Variants in DNAH17 observed in about 807,000 individuals in gnomAD.
DNAH17 encodes dynein axonemal heavy chain 17.
DNAH17 carries 376 observed loss-of-function variants against 485.6 expected under a neutral mutation model. The observed-to-expected ratio is 0.77, with a 90% CI of 0.71 to 0.84. DNAH17 has a LOEUF of 0.84. Among genes scored for constraint, DNAH17 ranks in the 40% least tolerant of loss-of-function variants. DNAH17 has a pLI of 0.00. For synonymous variants in DNAH17, 3,031 were observed against 2,405.9 expected (o/e 1.26, Z -7.60); for missense variants, 6,370 against 5,839.3 (o/e 1.09, Z -2.96).
At chr17:78,570,221 G>A (rs2092331466) in intron 7 of DNAH17, 26 bp downstream of exon 7, 3 of 1,562,180 alleles carry the variant, frequency 1.9e-6, no homozygotes, top group East Asian at 2.3e-5. Context: ...GGGAGGAAGG[G>A]GACCCAGGGG....
intron 19 of DNAH17, among the ~76,000 whole-genome samples, chr17:78,535,803 C>A (rs1055965009): frequency 6.6e-6 from 1 of 152,184 alleles, no homozygotes; most frequent in Non-Finnish European, 1.5e-5. Context: ...AATAACCTGT[C>A]ACAACACCTT....
chr17:78,496,057 G>A (rs756146742), intron 37 of DNAH17, 25 bp from the exon 38 acceptor site: 2 of 1,601,960 alleles, frequency 1.2e-6, no homozygotes, highest in Non-Finnish European at 8.5e-7. Flanking sequence ...ACACAGACAT[G>A]TTAGCATGGA....
At chr17:78,540,651 G>A (rs1386766689) in intron 17 of DNAH17, among the ~76,000 whole-genome samples, 1 of 111,398 alleles carries the variant, frequency 9.0e-6, no homozygotes, top group Admixed American at 1.0e-4. Context: ...ATGGATGAAC[G>A]GGGTGGGTAG....
chr17:78,479,357 G>T, intron 50 of DNAH17, 128 bp downstream of exon 50: 1 of 1,256,150 alleles, frequency 8.0e-7, no homozygotes. Context: ...TCGAAACATA[G>T]CATCGTTTTT....
intron 1 of DNAH17, 148 bp from the exon 2 acceptor site, chr17:78,575,230 T>A: frequency 1.5e-6 from 1 of 674,252 alleles, no homozygotes; most frequent in Non-Finnish European, 2.4e-6. Flanking sequence ...TGTGGTTGGG[T>A]TGGGGTGGGG....
chr17:78,467,854 C>G (rs967157768), intron 55 of DNAH17, among the ~76,000 whole-genome samples: 1 of 152,034 alleles, frequency 6.6e-6, no homozygotes, highest in Non-Finnish European at 1.5e-5. Flanking sequence ...GCTGTCTCTA[C>G]TAAAAATAAA....
Position 78,572,829 on chromosome 17 carries a change from G to A in DNAH17, c.411C>T (p.Asp137=). ...TCAGCCTGTGGACCTGCTTCACGAT[G>A]TCTTCCGAGACCACCTGGGGCCATC... ...MAGWPQVVSE[D]IVKQVHRLKN... The change falls in exon 3 of 81, where the codon GAC becomes GAT. Residue 137 remains aspartate, a synonymous_variant. Transcript: ENST00000389840. 1 of 1,613,978 alleles carries A rather than the reference G, an allele frequency of 6.2e-7. No individual in the cohort carries two copies. Among genetic ancestry groups the A allele is most frequent in the Non-Finnish European group, 8.5e-7 (1 of 1,179,882 alleles).
At chr17:78,430,724 G>T (rs1365081629) in intron 75 of DNAH17, among the ~76,000 whole-genome samples, 1 of 151,856 alleles carries the variant, frequency 6.6e-6, no homozygotes, top group African/African-American at 2.4e-5. Flanking sequence ...GGGATTACAG[G>T]TGCACACCAC....
Position 78,499,058 on chromosome 17 carries a change from C to T in DNAH17, c.5695G>A (p.Asp1899Asn), listed in dbSNP as rs1446644733. ...TCCACTGAGATGCGATTAAACTCGTCAAAGCAGCCCCAGGCTCCCGTCTGG... is the reference window on the plus strand; with the variant it reads ...TCCACTGAGATGCGATTAAACTCGTTAAAGCAGCCCCAGGCTCCCGTCTGG... ...LAQTGAWGCF[D>N]EFNRISVEVL... The change falls in exon 37 of 81, where the codon GAC becomes AAC. Residue 1899 changes from aspartate (D) to asparagine (N), a missense_variant. Transcript: ENST00000389840. 2 of 1,610,148 alleles carry T rather than the reference C, an allele frequency of 1.2e-6. No homozygotes were observed. The highest frequency in any genetic ancestry group is 2.2e-5 in the East Asian group (1 of 44,450).
intron 40 of DNAH17, 135 bp downstream of exon 40, chr17:78,494,458 G>A (rs940445188): frequency 1.9e-6 from 2 of 1,080,442 alleles, no homozygotes; most frequent in Non-Finnish European, 2.7e-6. Flanking sequence ...GGAGGCAGCT[G>A]TGGCTCAGAG....
At chr17:78,435,053 G>C (rs8080338) in intron 74 of DNAH17, among the ~76,000 whole-genome samples, 97,780 of 152,132 alleles carry the variant, frequency 0.64, 33,445 homozygotes, top group East Asian at 0.87. Flanking sequence ...GACAAGAAGG[G>C]GAGCAGCTGG....
At chr17:78,529,017 C>T (rs1262390637) in intron 22 of DNAH17, among the ~76,000 whole-genome samples, 1 of 151,458 alleles carries the variant, frequency 6.6e-6, no homozygotes, top group African/African-American at 2.4e-5. Context: ...GATCTCAGCT[C>T]ACTGCAACAT....
At chr17:78,557,849 C>T (rs2092061091) in intron 14 of DNAH17, among the ~76,000 whole-genome samples, 1 of 151,874 alleles carries the variant, frequency 6.6e-6, no homozygotes, top group Non-Finnish European at 1.5e-5. Flanking sequence ...TGGGTGACAA[C>T]AAATGCTGGT....
At chr17:78,473,240 G>A (rs1022987305) in intron 54 of DNAH17, among the ~76,000 whole-genome samples, 44 of 152,236 alleles carry the variant, frequency 2.9e-4, no homozygotes, top group African/African-American at 1.0e-3. Context: ...ATCCACAGAA[G>A]CGGCTTAAGA....
In DNAH17 at chr17:78,490,753, G is replaced by A. The variant is rs371778538; in HGVS notation, c.6764C>T (p.Thr2255Ile). The A allele has an allele frequency of 1.9e-6, 3 of 1,606,222 alleles. No homozygotes were observed. Among genetic ancestry groups the A allele is most frequent in the Non-Finnish European group, 2.5e-6 (3 of 1,176,624 alleles). Reference sequence around the variant, plus strand: ...GTAGAGGATGCCGGCTCTGGAAACGGTGGCTGGGGTGGCCGTCCTCAGGTG... The same window carrying A: ...GTAGAGGATGCCGGCTCTGGAAACGATGGCTGGGGTGGCCGTCCTCAGGTG... ...ISHLRTATPATVSRAGILYIN... is the reference protein window; with the variant it reads ...ISHLRTATPAIVSRAGILYIN... Residue 2255 changes from threonine to isoleucine, a missense_variant, in exon 44 of 81, where the codon ACC becomes ATC. Coordinates refer to ENST00000389840, the MANE Select transcript of DNAH17 (RefSeq NM_173628.4).
chr17:78,452,496 G>A (rs1404112371), intron 65 of DNAH17, among the ~76,000 whole-genome samples: 1 of 152,162 alleles, frequency 6.6e-6, no homozygotes, highest in Non-Finnish European at 1.5e-5. Context: ...CCAGCACTTG[G>A]GGAGGCCGAG....
At chr17:78,558,379 G>T in intron 13 of DNAH17, 125 bp from the exon 14 acceptor site, 1 of 1,208,444 alleles carries the variant, frequency 8.3e-7, no homozygotes, top group Non-Finnish European at 1.1e-6. Context: ...CAAAGTTGGT[G>T]GGAGGCAGTA....
At chr17:78,534,728 A>G (rs2091327799) in intron 19 of DNAH17, among the ~76,000 whole-genome samples, 1 of 152,164 alleles carries the variant, frequency 6.6e-6, no homozygotes, top group Non-Finnish European at 1.5e-5. Context: ...GCAGCCTGGC[A>G]TACCAGAGGC....
At chr17:78,512,836 G>C (rs1047914217) in intron 26 of DNAH17, among the ~76,000 whole-genome samples, 1 of 150,946 alleles carries the variant, frequency 6.6e-6, no homozygotes, top group Non-Finnish European at 1.5e-5. Context: ...AGCTACTCAG[G>C]AGGCTGAATC....
Sources: allele counts gnomAD v4.1 joint callset (sites outside exome capture counted in the v4.1 genomes callset), GRCh38; gene constraint gnomAD v4.1.1; transcripts MANE v1.5; gene names NCBI Gene and HGNC (gene_info 2026-07-23, HGNC 2026-07-21).